PPP4R4: variants seen among roughly 807,000 people sequenced by gnomAD.
The protein encoded by PPP4R4 is protein phosphatase 4 regulatory subunit 4, also known as serine/threonine-protein phosphatase 4 regulatory subunit 4.
A neutral mutation model predicts 121.8 loss-of-function variants in PPP4R4; 70 were observed. The observed-to-expected ratio is 0.57, with a 90% confidence interval of 0.47 to 0.70. The LOEUF (loss-of-function observed/expected upper bound fraction) is 0.70, where lower values mean the gene tolerates loss of function less well. PPP4R4 is among the 30% of genes least tolerant of loss of function. PPP4R4 has a pLI of 0.00. For missense variants in PPP4R4, 875 were observed against 1,033.6 expected, an observed-to-expected ratio of 0.85 and a Z score of 2.10; for synonymous variants, 348 against 355.7, an observed-to-expected ratio of 0.98 and a Z score of 0.24.
chr14:94,265,745 G>A (rs1595543536), intron 21 of PPP4R4, 49 bp from the exon 22 acceptor site: 1 of 1,352,354 alleles, frequency 7.4e-7, no homozygotes, highest in Admixed American at 1.9e-5. Flanking sequence ...GGTTGGAGCA[G>A]CCGAGGATGA....
chr14:94,204,086 A>T (rs1241822587), intron 2 of PPP4R4, among the ~76,000 whole-genome samples: 1 of 152,108 alleles, frequency 6.6e-6, no homozygotes, highest in Non-Finnish European at 1.5e-5. Flanking sequence ...TTTACTGTCA[A>T]GTTTAAGAAT....
chr14:94,174,691 G>C, intron 1 of PPP4R4, 109 bp downstream of exon 1: 1 of 1,459,506 alleles, frequency 6.9e-7, no homozygotes, highest in Non-Finnish European at 9.1e-7. Context: ...CCGGGCCGCC[G>C]GGACCCTCTC....
intron 14 of PPP4R4, 128 bp downstream of exon 14, chr14:94,246,667 C>A: frequency 9.8e-7 from 1 of 1,023,844 alleles, no homozygotes; most frequent in Non-Finnish European, 1.4e-6. Flanking sequence ...AGGATGTCAG[C>A]TTCGTAGGTC....
At chr14:94,243,417 C>T (rs1333600268) in intron 11 of PPP4R4, among the ~76,000 whole-genome samples, 1 of 152,088 alleles carries the variant, frequency 6.6e-6, no homozygotes, top group Non-Finnish European at 1.5e-5. Context: ...ATTAAATGGT[C>T]ACTTAGGCTT....
chr14:94,251,023 A>G (rs1428424853), intron 15 of PPP4R4, among the ~76,000 whole-genome samples: 4 of 152,030 alleles, frequency 2.6e-5, no homozygotes, highest in Non-Finnish European at 5.9e-5. Flanking sequence ...AAGAAAAAAT[A>G]TGCTCAGTAT....
Position 94,227,209 on chromosome 14 carries a change from T to C in PPP4R4, c.295-3378T>C, listed in dbSNP as rs1268751573. On this transcript the variant is annotated intron_variant, in intron 3 of 24. Transcript: ENST00000304338. Reference sequence around the variant, plus strand: ...AGTTGGGATGCCAGCCGTACAATAGTAATGTAAGAGGAATGGTAACTGGCT... The same window carrying C: ...AGTTGGGATGCCAGCCGTACAATAGCAATGTAAGAGGAATGGTAACTGGCT... 23 of 1,161,832 alleles carry C rather than the reference T, an allele frequency of 2.0e-5. No individual in the cohort carries two copies. In the East Asian group the frequency reaches 4.9e-4, roughly 25 times the overall value. The allele number at this position is 1,161,832 out of a possible 1,614,324, so 72.0% of individuals were successfully genotyped here. A position where few individuals can be genotyped will look rare whatever the true frequency, so the allele number is the denominator to read the frequency against.
intron 19 of PPP4R4, among the ~76,000 whole-genome samples, chr14:94,262,176 A>C (rs1203019975): frequency 6.6e-6 from 1 of 151,922 alleles, no homozygotes; most frequent in Non-Finnish European, 1.5e-5. Context: ...CTAAGCCTGG[A>C]ATTTTCATTT....
chr14:94,236,635 T>C (rs573163078), intron 7 of PPP4R4, among the ~76,000 whole-genome samples: 8 of 152,284 alleles, frequency 5.3e-5, no homozygotes, highest in Admixed American at 2.6e-4. Flanking sequence ...GTGGCTATTT[T>C]AGTTTAAAAT....
intron 2 of PPP4R4, among the ~76,000 whole-genome samples, chr14:94,190,176 GGTTT>G (rs954617449): frequency 5.3e-5 from 8 of 151,710 alleles, no homozygotes; most frequent in African/African-American, 1.7e-4. Context: ...CACCACACCT[GGTTT>G]GTTTGTTTGT....
At chr14:94,222,285 T>C (rs1455151334) in intron 3 of PPP4R4, among the ~76,000 whole-genome samples, 2 of 151,902 alleles carry the variant, frequency 1.3e-5, no homozygotes, top group Non-Finnish European at 2.9e-5. Context: ...ACTTTCCCCC[T>C]CATCTATTAG....
chr14:94,237,534 G>A (rs537661578), intron 7 of PPP4R4, 31 bp from the exon 8 acceptor site: 2 of 1,589,070 alleles, frequency 1.3e-6, no homozygotes, highest in Non-Finnish European at 1.7e-6. Flanking sequence ...TTATTGATTT[G>A]ATTTATTTTC....
At chr14:94,246,263 A>C in intron 13 of PPP4R4, 94 bp from the exon 14 acceptor site, 1 of 1,021,922 alleles carries the variant, frequency 9.8e-7, no homozygotes, top group Non-Finnish European at 1.4e-6. Flanking sequence ...AATGAGAAGG[A>C]GTATTCTCTT....
At chr14:94,244,516 T>G in intron 11 of PPP4R4, 119 bp from the exon 12 acceptor site, 4 of 827,778 alleles carry the variant, frequency 4.8e-6, no homozygotes, top group Non-Finnish European at 6.8e-6. Context: ...ATATTTGTGT[T>G]ATAACATGGC....
intron 2 of PPP4R4, among the ~76,000 whole-genome samples, chr14:94,200,005 C>T (rs1314740231): frequency 5.9e-5 from 9 of 152,090 alleles, no homozygotes; most frequent in Non-Finnish European, 1.2e-4. Flanking sequence ...CACCTAGGTC[C>T]GTGGGCACAG....
At chr14:94,227,863 A>G (rs1891802998) in intron 3 of PPP4R4, 1 of 985,518 alleles carries the variant, frequency 1.0e-6, no homozygotes, top group Admixed American at 6.1e-5. Flanking sequence ...AGTGATGTAT[A>G]CTGGCCACAT....
chr14:94,176,932 C>G (rs768682724), intron 2 of PPP4R4, among the ~76,000 whole-genome samples: 5 of 151,896 alleles, frequency 3.3e-5, no homozygotes, highest in South Asian at 2.1e-4. Flanking sequence ...GTTTTGAAAA[C>G]TGATGTAATT....
chr14:94,174,607 C>T (rs1053251491), intron 1 of PPP4R4, 25 bp downstream of exon 1: 38 of 1,606,366 alleles, frequency 2.4e-5, no homozygotes, highest in Non-Finnish European at 3.2e-5. Context: ...GAGGACCTGC[C>T]CTCACGGCGT....
chr14:94,206,018 T>C (rs888860581), intron 2 of PPP4R4, among the ~76,000 whole-genome samples: 6 of 151,988 alleles, frequency 3.9e-5, no homozygotes, highest in Non-Finnish European at 8.8e-5. Flanking sequence ...TTCTATATCT[T>C]TGCTGATTCC....
intron 19 of PPP4R4, among the ~76,000 whole-genome samples, chr14:94,261,680 G>A (rs1893792378): frequency 6.6e-6 from 1 of 151,976 alleles, no homozygotes; most frequent in Non-Finnish European, 1.5e-5. Context: ...TCATCATCAG[G>A]TATGATGGTA....
Sources: allele counts gnomAD v4.1 joint callset (sites outside exome capture counted in the v4.1 genomes callset), GRCh38; gene constraint gnomAD v4.1.1; transcripts MANE v1.5; gene names NCBI Gene and HGNC (gene_info 2026-07-23, HGNC 2026-07-21).